MAPK4: variants seen among roughly 807,000 people sequenced by gnomAD.
MAPK4 encodes mitogen-activated protein kinase 4.
Under a neutral mutation model 47.7 loss-of-function variants are expected in MAPK4, and 22 were observed. The observed-to-expected ratio is 0.46, with a 90% confidence interval of 0.33 to 0.66. The LOEUF is 0.66. MAPK4 is among the 30% of genes least tolerant of loss of function. The probability of loss-of-function intolerance (pLI) is 0.02; values close to 1 mark genes in which losing one functional copy is unlikely to be tolerated. For missense variants in MAPK4, 736 were observed against 831.7 expected (o/e 0.88, Z 1.42); for synonymous variants, 390 against 365.7 (o/e 1.07, Z -0.76).
intron 3 of MAPK4, among the ~76,000 whole-genome samples, chr18:50,720,705 C>A (rs1056533049): frequency 6.6e-6 from 1 of 152,212 alleles, no homozygotes; most frequent in Admixed American, 6.5e-5. Context: ...ACCCATTGAC[C>A]TCATGGTCCC....
chr18:50,664,862 C>T lies in MAPK4; in HGVS notation c.546+358C>T, dbSNP rs1907509116. Among the ~76,000 whole-genome samples, 1 of 152,200 alleles carries T rather than the reference C, an allele frequency of 6.6e-6. No homozygotes were observed. Among genetic ancestry groups the T allele is most frequent in the Non-Finnish European group, 1.5e-5 (1 of 68,038 alleles). ...ATCCCTGCTGTCCACTTAGCCATCC[C>T]ATGTCCTTCCTGTGTGCTCAGGACA... On this transcript the variant is annotated intron_variant, in intron 2 of 5. Transcript: ENST00000400384. The surrounding 1 kb of genome is among the most constrained non-coding windows in gnomAD (Gnocchi z 6.0).
chr18:50,624,206 C>G lies in MAPK4; in HGVS notation c.-870-38883C>G, dbSNP rs117224932. 9.2e-5 allele frequency among the ~76,000 whole-genome samples: 14 copies of G among 152,326 alleles called. No individual in the cohort carries two copies. The East Asian group carries it at 2.7e-3, about 29-fold the overall frequency. ...GGCTAACACAATGCTGGGGACAGAG[C>G]AGGATGTAATCAGCATTTGGCAAAA... is the stretch of plus-strand genomic sequence containing the variant. On this transcript the variant is annotated intron_variant, in intron 1 of 5. Transcript: ENST00000400384.
At chr18:50,587,655 G>T (rs563171197) in intron 1 of MAPK4, among the ~76,000 whole-genome samples, 8 of 152,308 alleles carry the variant, frequency 5.3e-5, no homozygotes, top group Admixed American at 1.3e-4. Context: ...CAAGACTGCT[G>T]CTGGATAAGA....
chr18:50,667,249 G>C (rs1907655282), intron 2 of MAPK4, among the ~76,000 whole-genome samples: 2 of 152,172 alleles, frequency 1.3e-5, no homozygotes, highest in African/African-American at 4.8e-5. Flanking sequence ...CTTGAAAGCT[G>C]TCTCTCCTTC....
chr18:50,630,871 A>G (rs1468224628), intron 1 of MAPK4, among the ~76,000 whole-genome samples: 1 of 152,208 alleles, frequency 6.6e-6, no homozygotes, highest in African/African-American at 2.4e-5. Flanking sequence ...CTGTCTTTGC[A>G]ACTTTGGTTC....
chr18:50,673,808 A>G (rs904860971), intron 2 of MAPK4, among the ~76,000 whole-genome samples: 1 of 152,196 alleles, frequency 6.6e-6, no homozygotes. Flanking sequence ...GTGAGCCGAG[A>G]TTGTGCCACT....
At chr18:50,565,402 C>G (rs1281725113) in intron 1 of MAPK4, among the ~76,000 whole-genome samples, 1 of 152,108 alleles carries the variant, frequency 6.6e-6, no homozygotes, top group Non-Finnish European at 1.5e-5. Context: ...GAAGTTACTG[C>G]CTCGGGAAAT....
intron 1 of MAPK4, among the ~76,000 whole-genome samples, chr18:50,613,194 G>T (rs76356857): frequency 6.6e-6 from 1 of 152,148 alleles, no homozygotes; most frequent in Non-Finnish European, 1.5e-5. Flanking sequence ...AAGTAATGGG[G>T]TGTCACTCCT....
At chr18:50,707,170 A>G (rs11082837) in intron 2 of MAPK4, among the ~76,000 whole-genome samples, 2,056 of 152,318 alleles carry the variant, frequency 0.013, 56 homozygotes, top group East Asian at 0.081. Flanking sequence ...AGAGCCATCA[A>G]ACCCATACAG....
Position 50,640,456 on chromosome 18 carries a change from CTTTCTTTTCT to C in MAPK4, c.-870-22619_-870-22610del, listed in dbSNP as rs527624695. 1.2e-4 allele frequency among the ~76,000 whole-genome samples: 18 copies of C among 149,518 alleles called. No homozygotes were observed. In the East Asian group the frequency reaches 2.1e-3, roughly 18 times the overall value. On this transcript the variant is annotated intron_variant, in intron 1 of 5. Transcript: ENST00000400384. ...GATTGTGGCTATTTTCTTTTTTTAT[CTTTCTTTTCT>C]TTTCTTTTCTTTTTTTTGACAGTCT...
chr18:50,609,336 C>T (rs974874409), intron 1 of MAPK4, among the ~76,000 whole-genome samples: 8 of 137,466 alleles, frequency 5.8e-5, no homozygotes, highest in East Asian at 2.2e-4. Flanking sequence ...GGGCGGCGGC[C>T]GGGCGGAGGC....
Position 50,663,593 on chromosome 18 carries a change from T to C in MAPK4, c.-366T>C, listed in dbSNP as rs1907402656. ...GCATCTTTTACTTTGCAGTCCACTA[T>C]GGTAGAAAACTTGACATTCCATAGA... On this transcript the variant is annotated 5_prime_UTR_variant, in exon 2 of 6. An upstream start codon of the reference 5' UTR is lost. Transcript: ENST00000400384. 1 of 171,442 alleles carries C rather than the reference T, an allele frequency of 5.8e-6. No individual in the cohort carries two copies. Among genetic ancestry groups the C allele is most frequent in the South Asian group, 1.8e-4 (1 of 5,568 alleles). The allele number at this position is 171,442 out of a possible 1,614,324, so 10.6% of individuals were successfully genotyped here.
At chr18:50,592,078 T>C (rs2042441156) in intron 1 of MAPK4, among the ~76,000 whole-genome samples, 1 of 152,194 alleles carries the variant, frequency 6.6e-6, no homozygotes, top group South Asian at 2.1e-4. Context: ...GGAGCCAAGC[T>C]GGCAGAAGGC....
At chr18:50,696,214 A>G (rs552357532) in intron 2 of MAPK4, among the ~76,000 whole-genome samples, 1 of 152,364 alleles carries the variant, frequency 6.6e-6, no homozygotes, top group African/African-American at 2.4e-5. Context: ...AGAAGGATTC[A>G]TAAAGAATTT....
chr18:50,692,224 A>C (rs1050547676), intron 2 of MAPK4, among the ~76,000 whole-genome samples: 9 of 152,168 alleles, frequency 5.9e-5, no homozygotes, highest in Admixed American at 5.9e-4. Context: ...CACTGTTGTT[A>C]GCCTGTAGCC....
chr18:50,693,414 C>A (rs1909339527), intron 2 of MAPK4, among the ~76,000 whole-genome samples: 1 of 152,106 alleles, frequency 6.6e-6, no homozygotes, highest in South Asian at 2.1e-4. Flanking sequence ...AACAGGCACA[C>A]CAAGCAGAGA....
chr18:50,596,786 A>G (rs1178282830), intron 1 of MAPK4, among the ~76,000 whole-genome samples: 1 of 152,246 alleles, frequency 6.6e-6, no homozygotes, highest in African/African-American at 2.4e-5. Flanking sequence ...AAATGACAAG[A>G]GTGTGATGAG....
intron 1 of MAPK4, among the ~76,000 whole-genome samples, chr18:50,643,613 C>A (rs1374033667): frequency 6.6e-6 from 1 of 152,224 alleles, no homozygotes; most frequent in Non-Finnish European, 1.5e-5. Context: ...CTCAGAACTG[C>A]CACTTGAGGC....
At chr18:50,600,121 C>T (rs889534932) in intron 1 of MAPK4, among the ~76,000 whole-genome samples, 6 of 152,156 alleles carry the variant, frequency 3.9e-5, no homozygotes, top group Non-Finnish European at 8.8e-5. Context: ...ATCATTTCCC[C>T]GTATGTATAT....
Sources: gnomAD v4.1 joint callset for allele counts (sites outside exome capture counted in the v4.1 genomes callset) on GRCh38, gnomAD v4.1.1 for gene constraint, Gnocchi (gnomAD v3.1) non-coding constraint, MANE v1.5 for transcripts, NCBI Gene and HGNC (gene_info 2026-07-23, HGNC 2026-07-21) for gene names.